Variants in YEATS2 observed in about 807,000 individuals in gnomAD.
The protein encoded by YEATS2 is YEATS domain containing 2, also known as YEATS domain-containing protein 2.
A neutral mutation model predicts 163.2 loss-of-function variants in YEATS2; 77 were observed. The observed-to-expected ratio is 0.47, with a 90% CI of 0.39 to 0.57. The LOEUF (loss-of-function observed/expected upper bound fraction) is 0.57, where lower values mean the gene tolerates loss of function less well. Among genes scored for constraint, YEATS2 ranks in the 20% least tolerant of loss-of-function variants. YEATS2 has a pLI of 0.00. For missense variants in YEATS2, 1,549 were observed against 1,729.8 expected, an observed-to-expected ratio of 0.90 and a Z score of 1.85; for synonymous variants, 631 against 645.1, an observed-to-expected ratio of 0.98 and a Z score of 0.33.
intron 11 of YEATS2, among the ~76,000 whole-genome samples, chr3:183,755,795 C>T (rs539603966): frequency 1.2e-4 from 13 of 109,436 alleles, no homozygotes; most frequent in African/African-American, 5.2e-4. Flanking sequence ...CTCTTGTTGC[C>T]CAGGCTGGAG....
chr3:183,713,886 A>T (rs1257288110), intron 1 of YEATS2, among the ~76,000 whole-genome samples: 2 of 151,980 alleles, frequency 1.3e-5, no homozygotes, highest in Non-Finnish European at 2.9e-5. Context: ...GCTCACTGCA[A>T]CCGCTGCCTC....
In YEATS2 at chr3:183,775,981, GAGGC is replaced by G; in HGVS notation, c.2436_2439del (p.Gly813AlafsTer34). The G allele has an allele frequency of 6.2e-7, 1 of 1,609,174 alleles. No homozygotes were observed. The highest frequency in any genetic ancestry group is 1.8e-4 in the Middle Eastern group (1 of 5,702). On this transcript the variant is annotated frameshift_variant, in exon 18 of 31. Coordinates refer to ENST00000305135, the MANE Select transcript of YEATS2 (RefSeq NM_018023.5). LOFTEE classifies it high-confidence loss of function. ...GGAGGAGGAGGAGGAGGAGGAGGAG[GAGGC>G]GGCAGTGGCAGCGGTGGAGGCGGCA...
intron 10 of YEATS2, among the ~76,000 whole-genome samples, chr3:183,752,925 T>C (rs563839427): frequency 1.3e-4 from 19 of 151,512 alleles, no homozygotes; most frequent in African/African-American, 4.6e-4. Flanking sequence ...AGCCTCCCTG[T>C]TAGCTAGGAT....
At chr3:183,730,156 C>G (rs752887140) in intron 7 of YEATS2, among the ~76,000 whole-genome samples, 7 of 133,392 alleles carry the variant, frequency 5.2e-5, no homozygotes, top group Admixed American at 8.5e-5. Context: ...CCTCCACCCC[C>G]CAGGTTCAAG....
chr3:183,724,648 A>C, intron 6 of YEATS2, 117 bp downstream of exon 6: 2 of 733,158 alleles, frequency 2.7e-6, no homozygotes, highest in Non-Finnish European at 4.2e-6. Context: ...CCAAGCCCTT[A>C]GTTGTTTAAA....
At chr3:183,770,392 CAAAA>C (rs1018694066) in intron 15 of YEATS2, among the ~76,000 whole-genome samples, 3 of 151,808 alleles carry the variant, frequency 2.0e-5, no homozygotes, top group African/African-American at 4.8e-5. Context: ...AAACAAAAAA[CAAAA>C]AAACAAAAAT....
At chr3:183,726,059 T>C (rs1717062683) in intron 6 of YEATS2, among the ~76,000 whole-genome samples, 1 of 151,826 alleles carries the variant, frequency 6.6e-6, no homozygotes, top group Non-Finnish European at 1.5e-5. Flanking sequence ...ATCCTGGTGT[T>C]ACAGTAGGAG....
intron 19 of YEATS2, among the ~76,000 whole-genome samples, chr3:183,779,111 A>C (rs1452912103): frequency 6.6e-6 from 1 of 151,802 alleles, no homozygotes; most frequent in African/African-American, 2.4e-5. Context: ...GGGTTTCACC[A>C]TGTTGGTCAG....
intron 1 of YEATS2, among the ~76,000 whole-genome samples, chr3:183,701,633 A>G (rs542153294): frequency 1.1e-4 from 17 of 152,032 alleles, no homozygotes; most frequent in East Asian, 1.9e-4. Flanking sequence ...GGTTCAAGCA[A>G]TCCTCCTGCT....
chr3:183,703,829 A>G (rs567918292), intron 1 of YEATS2, among the ~76,000 whole-genome samples: 2 of 152,122 alleles, frequency 1.3e-5, no homozygotes, highest in Non-Finnish European at 1.5e-5. Context: ...GAAATGGATC[A>G]TATGTATTTG....
Position 183,777,661 on chromosome 3 carries a change from A to G in YEATS2, c.2697A>G (p.Leu899=), listed in dbSNP as rs780579531. ...CTTCTGCACAAGGACAACAAACGCT[A>G]AAAGTCATCTCTGGACAGAAAACCA... ...STSSAQGQQT[L]KVISGQKTTL... Residue 899 remains leucine, a synonymous_variant, in exon 19 of 31, where the codon CTA becomes CTG. Transcript: ENST00000305135. 6.2e-7 allele frequency: 1 copy of G among 1,614,190 alleles called. No individual in the cohort carries two copies. Among genetic ancestry groups the G allele is most frequent in the Admixed American group, 1.7e-5 (1 of 60,020 alleles).
At chr3:183,808,804 C>T in intron 29 of YEATS2, 1 of 263,578 alleles carries the variant, frequency 3.8e-6, no homozygotes, top group Admixed American at 5.1e-5. Context: ...TGCACTGAGC[C>T]AAGATCGCGC....
chr3:183,777,829 G>A, intron 19 of YEATS2, 129 bp downstream of exon 19: 3 of 1,297,948 alleles, frequency 2.3e-6, no homozygotes, highest in Non-Finnish European at 3.1e-6. Flanking sequence ...AAGGCCAGGA[G>A]TGGTCGCTCA....
chr3:183,771,542 C>CTTTTTTTTTTTTTTTTTT (rs1722462151), intron 15 of YEATS2, among the ~76,000 whole-genome samples: 11 of 60,812 alleles, frequency 1.8e-4, no homozygotes, highest in African/African-American at 4.9e-4. Flanking sequence ...ATTATTCTTG[C>CTTTTTTTTTTTTTTTTTT]CTTTTTTTTT....
At chr3:183,703,888 T>C (rs114749132) in intron 1 of YEATS2, among the ~76,000 whole-genome samples, 127 of 152,104 alleles carry the variant, frequency 8.3e-4, no homozygotes, top group Non-Finnish European at 1.7e-3. Flanking sequence ...GGGCCAGGCG[T>C]AGTGGCTCAC....
At position 183,811,560 on chromosome 3, in the gene YEATS2, C is replaced by G. The variant is rs1213970971; in HGVS notation, c.*977C>G. 1 of 152,676 alleles carries G rather than the reference C, an allele frequency of 6.5e-6. No homozygotes were observed. The highest frequency in any genetic ancestry group is 2.4e-5 in the African/African-American group (1 of 41,428). 9.5% of individuals were successfully genotyped at this position (152,676 alleles called of 1,614,324 possible). A position where few individuals can be genotyped will look rare whatever the true frequency, so the allele number is the denominator to read the frequency against. On this transcript the variant is annotated 3_prime_UTR_variant, in exon 31 of 31. Transcript: ENST00000305135. The stretch of plus-strand genomic sequence containing the variant: ...ATTTAAAAGAAATACCAGTGAGTGC[C>G]TTAAAGTTGGAGAAGTAACTGCCCA...
chr3:183,771,398 C>A (rs536103992), intron 15 of YEATS2, among the ~76,000 whole-genome samples: 11 of 152,114 alleles, frequency 7.2e-5, no homozygotes, highest in African/African-American at 2.6e-4. Context: ...TTTAATTTAA[C>A]ATCCTACTGT....
intron 1 of YEATS2, among the ~76,000 whole-genome samples, chr3:183,710,016 G>GT (rs1233708868): frequency 2.0e-5 from 3 of 152,176 alleles, no homozygotes; most frequent in African/African-American, 7.2e-5. Flanking sequence ...ATGGATGACA[G>GT]TAGTCTTATT....
intron 9 of YEATS2, 97 bp downstream of exon 9, chr3:183,747,813 T>C (rs1389695174): frequency 6.0e-6 from 7 of 1,161,870 alleles, no homozygotes; most frequent in Non-Finnish European, 8.8e-6. Context: ...GGGTCTTCGC[T>C]CTGTCACCCA....
Sources: gnomAD v4.1 joint callset for allele counts (sites outside exome capture counted in the v4.1 genomes callset) on GRCh38, gnomAD v4.1.1 for gene constraint, MANE v1.5 for transcripts, NCBI Gene and HGNC (gene_info 2026-07-23, HGNC 2026-07-21) for gene names.